The following GRID2 variants were observed in gnomAD, a reference collection of about 807,000 sequenced individuals.
GRID2 encodes glutamate ionotropic receptor delta type subunit 2.
A neutral mutation model predicts 114.8 loss-of-function variants in GRID2; 33 were observed. The ratio of observed to expected loss-of-function variants is 0.29; its 90% CI spans 0.22 to 0.38. The LOEUF (loss-of-function observed/expected upper bound fraction) is 0.38, where lower values mean the gene tolerates loss of function less well. Among genes scored for constraint, GRID2 ranks in the 10% least tolerant of loss-of-function variants. GRID2 has a pLI of 1.00. For synonymous variants in GRID2, 505 were observed against 449.9 expected, an observed-to-expected ratio of 1.12 and a Z score of -1.55; for missense variants, 1,184 against 1,257.7, an observed-to-expected ratio of 0.94 and a Z score of 0.89.
Position 93,394,310 on chromosome 4 carries a change from C to T in GRID2, c.1246-1297C>T, listed in dbSNP as rs543765400. On this transcript the variant is annotated intron_variant, in intron 8 of 15. Coordinates refer to ENST00000282020, the MANE Select transcript of GRID2 (RefSeq NM_001510.4). Reference sequence around the variant, plus strand: ...ATTGTATGAATTTAATGTGCTTTTACAGTTGAAACTAACAATTAGCAGCCT... The same window carrying T: ...ATTGTATGAATTTAATGTGCTTTTATAGTTGAAACTAACAATTAGCAGCCT... Among the ~76,000 whole-genome samples the T allele has an allele frequency of 1.1e-4, 16 of 152,042 alleles. No homozygotes were observed. In the South Asian group the frequency reaches 3.3e-3, roughly 31 times the overall value.
chr4:92,503,678 A>G (rs1294229073), intron 1 of GRID2, among the ~76,000 whole-genome samples: 3 of 152,056 alleles, frequency 2.0e-5, no homozygotes, highest in Non-Finnish European at 2.9e-5. Context: ...TTTCCTTCCC[A>G]CTGAACATAC....
chr4:92,679,774 T>A (rs1733554780), intron 2 of GRID2, among the ~76,000 whole-genome samples: 1 of 152,076 alleles, frequency 6.6e-6, no homozygotes, highest in South Asian at 2.1e-4. Flanking sequence ...TGAAGTTATT[T>A]ACAGCTATGT....
At chr4:92,512,275 A>G (rs1724290312) in intron 1 of GRID2, among the ~76,000 whole-genome samples, 1 of 151,842 alleles carries the variant, frequency 6.6e-6, no homozygotes, top group African/African-American at 2.4e-5. Flanking sequence ...TTATCTGTCT[A>G]TAGACATCTG....
intron 8 of GRID2, among the ~76,000 whole-genome samples, chr4:93,346,846 C>T (rs1760289944): frequency 6.6e-6 from 1 of 152,110 alleles, no homozygotes; most frequent in Admixed American, 6.6e-5. Context: ...ATATTACAAA[C>T]CTGTCATACC....
intron 2 of GRID2, among the ~76,000 whole-genome samples, chr4:93,047,391 T>C (rs917453317): frequency 3.3e-5 from 5 of 152,142 alleles, no homozygotes; most frequent in African/African-American, 9.7e-5. Context: ...TGATATAAGA[T>C]GTTAATAATA....
chr4:93,456,067 A>T (rs1207141347), intron 11 of GRID2, 93 bp downstream of exon 11: 1 of 744,902 alleles, frequency 1.3e-6, no homozygotes, highest in Non-Finnish European at 2.3e-6. Context: ...TGTATCTGAC[A>T]TCAATAAGTG....
At chr4:93,785,336 T>C (rs1193111576) in intron 1 of GRID2, among the ~76,000 whole-genome samples, 2 of 152,132 alleles carry the variant, frequency 1.3e-5, no homozygotes, top group African/African-American at 4.8e-5. Flanking sequence ...TAAGTAGTAA[T>C]GAAAATGCAA....
chr4:93,489,392 A>G (rs1726746149), intron 11 of GRID2, among the ~76,000 whole-genome samples: 1 of 151,972 alleles, frequency 6.6e-6, no homozygotes, highest in Non-Finnish European at 1.5e-5. Flanking sequence ...ATAAAGTCAG[A>G]CAATTGACCT....
intron 13 of GRID2, among the ~76,000 whole-genome samples, chr4:93,620,255 GGTTTAAT>G (rs1475482076): frequency 1.3e-5 from 2 of 152,142 alleles, no homozygotes; most frequent in Non-Finnish European, 2.9e-5. Flanking sequence ...TAACCCTTTT[GGTTTAAT>G]GTCACTTTTC....
rs546494226 is a variant in GRID2, at chr4:92,986,092, C to CA, written c.245-98902dup. On this transcript the variant is annotated intron_variant, in intron 2 of 15. Coordinates refer to ENST00000282020, the MANE Select transcript of GRID2 (RefSeq NM_001510.4). Reference sequence around the variant, plus strand: ...ATTGATTTTTATATTTGCTTGGGGACATGGATCACTTCCCTGAATCTGGTT... The same window carrying CA: ...ATTGATTTTTATATTTGCTTGGGGACAATGGATCACTTCCCTGAATCTGGTT... Among the ~76,000 whole-genome samples the CA allele has an allele frequency of 9.9e-5, 15 of 152,260 alleles. No homozygotes were observed. The South Asian group carries it at 3.1e-3, about 32-fold the overall frequency.
chr4:93,234,924 G>A (rs1007115506), intron 7 of GRID2, among the ~76,000 whole-genome samples: 1 of 151,984 alleles, frequency 6.6e-6, no homozygotes, highest in Non-Finnish European at 1.5e-5. Flanking sequence ...GAAATTAGAC[G>A]AGTATGATAA....
intron 13 of GRID2, among the ~76,000 whole-genome samples, chr4:93,570,620 A>G (rs1311553472): frequency 6.6e-6 from 1 of 152,224 alleles, no homozygotes; most frequent in Non-Finnish European, 1.5e-5. Context: ...AATCACTTAC[A>G]TTATGTACAT....
intron 2 of GRID2, among the ~76,000 whole-genome samples, chr4:92,614,102 C>A (rs1729885456): frequency 6.6e-6 from 1 of 151,374 alleles, no homozygotes; most frequent in Admixed American, 6.6e-5. Flanking sequence ...TATAGTCATC[C>A]TACAGTGCTA....
intron 10 of GRID2, 94 bp from the exon 11 acceptor site, chr4:93,455,568 C>G: frequency 1.4e-6 from 1 of 713,360 alleles, no homozygotes; most frequent in South Asian, 1.8e-5. Context: ...TTGCCTGAGG[C>G]ATCTATTTTT....
intron 3 of GRID2, among the ~76,000 whole-genome samples, chr4:93,110,241 G>A (rs1732640700): frequency 6.6e-6 from 1 of 152,088 alleles, no homozygotes; most frequent in African/African-American, 2.4e-5. Flanking sequence ...GCCCTTTGAA[G>A]ATAACCTTTT....
intron 2 of GRID2, among the ~76,000 whole-genome samples, chr4:93,081,431 T>TGGATA (rs769547981): frequency 8.5e-5 from 13 of 152,188 alleles, no homozygotes; most frequent in Non-Finnish European, 1.8e-4. Context: ...TTAGCTTAAA[T>TGGATA]GGATACATTT....
At chr4:93,656,857 A>AAAAAAAC (rs1553973735) in intron 14 of GRID2, among the ~76,000 whole-genome samples, 9 of 93,800 alleles carry the variant, frequency 9.6e-5, no homozygotes, top group Non-Finnish European at 1.0e-4. Flanking sequence ...AAAAAAAAAA[A>AAAAAAAC]CAAATAATTC....
intron 1 of GRID2, among the ~76,000 whole-genome samples, chr4:93,798,156 G>T (rs1734844745): frequency 6.6e-6 from 1 of 151,642 alleles, no homozygotes; most frequent in Non-Finnish European, 1.5e-5. Context: ...TCCTTCTCAA[G>T]AAGAAAAAAA....
intron 11 of GRID2, among the ~76,000 whole-genome samples, chr4:93,477,160 T>C (rs564211715): frequency 1.3e-5 from 2 of 152,158 alleles, no homozygotes; most frequent in African/African-American, 4.8e-5. Context: ...CAGAGAACTT[T>C]CCAGAAGTAG....
Sources: gnomAD v4.1 joint callset for allele counts (sites outside exome capture counted in the v4.1 genomes callset) on GRCh38, gnomAD v4.1.1 for gene constraint, MANE v1.5 for transcripts, NCBI Gene and HGNC (gene_info 2026-07-23, HGNC 2026-07-21) for gene names.